Variants in GRIK2 observed in about 807,000 individuals in gnomAD.
The protein encoded by GRIK2 is glutamate ionotropic receptor kainate type subunit 2, also known as glutamate receptor ionotropic, kainate 2.
A neutral mutation model predicts 100.3 loss-of-function variants in GRIK2; 32 were observed. The ratio of observed to expected loss-of-function variants is 0.32; its 90% confidence interval spans 0.24 to 0.43. The LOEUF (loss-of-function observed/expected upper bound fraction) is 0.43, where lower values mean the gene tolerates loss of function less well. Among genes scored for constraint, GRIK2 ranks in the 20% least tolerant of loss-of-function variants. The probability of loss-of-function intolerance (pLI) is 1.00; values close to 1 mark genes in which losing one functional copy is unlikely to be tolerated. For missense variants in GRIK2, 843 were observed against 1,114.9 expected, an observed-to-expected ratio of 0.76 and a Z score of 3.47; for synonymous variants, 417 against 389.4, an observed-to-expected ratio of 1.07 and a Z score of -0.83.
At chr6:101,842,819 G>A (rs998551965) in intron 10 of GRIK2, among the ~76,000 whole-genome samples, 3 of 152,090 alleles carry the variant, frequency 2.0e-5, no homozygotes, top group Admixed American at 6.6e-5. Context: ...ACTTTTGAGT[G>A]GGATGTGGGT....
chr6:101,857,475 G>GT (rs985270823), intron 10 of GRIK2, among the ~76,000 whole-genome samples: 1 of 152,154 alleles, frequency 6.6e-6, no homozygotes, highest in African/African-American at 2.4e-5. Context: ...TTATTTCTTA[G>GT]TTGAGTGTGG....
intron 10 of GRIK2, among the ~76,000 whole-genome samples, chr6:101,819,294 T>C (rs907987378): frequency 1.3e-5 from 2 of 152,202 alleles, no homozygotes; most frequent in Non-Finnish European, 2.9e-5. Flanking sequence ...CAAACTACCA[T>C]GAACATTTAG....
At chr6:102,014,826 C>T (rs1795748544) in intron 14 of GRIK2, among the ~76,000 whole-genome samples, 1 of 151,992 alleles carries the variant, frequency 6.6e-6, no homozygotes, top group South Asian at 2.1e-4. Flanking sequence ...GGTTCTTTTG[C>T]ATTTGCTGAG....
intron 11 of GRIK2, among the ~76,000 whole-genome samples, chr6:101,881,961 T>C (rs1786279360): frequency 6.6e-6 from 1 of 152,108 alleles, no homozygotes; most frequent in African/African-American, 2.4e-5. Flanking sequence ...GTTTAATGAA[T>C]TCAGTTCCAT....
At chr6:101,909,582 T>G (rs569918217) in intron 12 of GRIK2, among the ~76,000 whole-genome samples, 2 of 151,060 alleles carry the variant, frequency 1.3e-5, no homozygotes, top group African/African-American at 4.8e-5. Flanking sequence ...GTGAGCACAT[T>G]TCCTGTTTTA....
At chr6:102,010,876 T>A (rs902613839) in intron 14 of GRIK2, among the ~76,000 whole-genome samples, 2 of 152,130 alleles carry the variant, frequency 1.3e-5, no homozygotes, top group Non-Finnish European at 2.9e-5. Context: ...CATTTCTTTT[T>A]AATAAATAGT....
chr6:101,773,494 G>GGAAAAAAAAAAAAAAAAAA (rs1778539460), intron 7 of GRIK2, among the ~76,000 whole-genome samples: 1 of 126,614 alleles, frequency 7.9e-6, no homozygotes, highest in African/African-American at 3.4e-5. Flanking sequence ...AAAAAAAAAA[G>GGAAAAAAAAAAAAAAAAAA]GAAAAAAAAA....
rs952407159 is a variant in GRIK2, at chr6:101,547,769, G to A, written c.116-74180G>A. On this transcript the variant is annotated intron_variant, in intron 2 of 16. Coordinates refer to ENST00000369134, the MANE Select transcript of GRIK2 (RefSeq NM_021956.5). ...AGTCTTTGCTCTTGTGAATAGTGCC[G>A]CAATAAACATACATGTGCATGTGTC... 4.6e-5 allele frequency among the ~76,000 whole-genome samples: 7 copies of A among 151,558 alleles called. No individual in the cohort carries two copies. In the East Asian group the frequency reaches 1.2e-3, roughly 25 times the overall value.
intron 10 of GRIK2, among the ~76,000 whole-genome samples, chr6:101,831,227 A>G (rs1236579610): frequency 6.6e-6 from 1 of 152,184 alleles, no homozygotes; most frequent in Non-Finnish European, 1.5e-5. Flanking sequence ...ATATCAAAAT[A>G]GGATTTTTTT....
chr6:101,896,111 A>G (rs539482569), intron 12 of GRIK2, among the ~76,000 whole-genome samples: 2 of 151,790 alleles, frequency 1.3e-5, no homozygotes, highest in African/African-American at 2.4e-5. Context: ...TAGTGGTTCC[A>G]GTGATGTTTA....
intron 2 of GRIK2, among the ~76,000 whole-genome samples, chr6:101,561,325 A>G (rs1200526122): frequency 6.6e-6 from 1 of 151,942 alleles, no homozygotes; most frequent in East Asian, 1.9e-4. Flanking sequence ...GGAGCTAAAA[A>G]AGTAGATCTC....
intron 15 of GRIK2, among the ~76,000 whole-genome samples, chr6:102,041,498 C>T (rs1268893028): frequency 6.6e-6 from 1 of 151,512 alleles, no homozygotes; most frequent in Non-Finnish European, 1.5e-5. Context: ...AACCCAAATG[C>T]TTTGCATTTG....
At chr6:101,749,990 T>G (rs959639479) in intron 7 of GRIK2, among the ~76,000 whole-genome samples, 8 of 151,822 alleles carry the variant, frequency 5.3e-5, no homozygotes, top group Non-Finnish European at 8.8e-5. Context: ...TTTTTACTTT[T>G]TTTTGGTAGG....
rs1029325849 is a variant in GRIK2 at position 102,069,155 on chromosome 6, T to G, written c.*644T>G. 3 of 150,086 alleles carry G rather than the reference T, an allele frequency of 2.0e-5. No homozygotes were observed. The highest frequency in any genetic ancestry group is 4.4e-5 in the Non-Finnish European group (3 of 67,504). 9.3% of individuals were successfully genotyped at this position (150,086 alleles called of 1,614,324 possible). A position where few individuals can be genotyped will look rare whatever the true frequency, so the allele number is the denominator to read the frequency against. On this transcript the variant is annotated 3_prime_UTR_variant, in exon 17 of 17. Coordinates refer to ENST00000369134, the MANE Select transcript of GRIK2 (RefSeq NM_021956.5). ...TTTCTTATTTTTTTTTTTGACAGTC[T>G]GTGTCACTGATTGAGATAGAAATGC... is the stretch of plus-strand genomic sequence containing the variant.
intron 12 of GRIK2, among the ~76,000 whole-genome samples, chr6:101,906,624 G>A (rs1461257546): frequency 1.3e-5 from 2 of 151,680 alleles, no homozygotes; most frequent in Non-Finnish European, 2.9e-5. Context: ...GGCATAAAAA[G>A]CAGGCTCAAG....
At chr6:101,911,703 ATTGT>A (rs1043672195) in intron 12 of GRIK2, among the ~76,000 whole-genome samples, 9 of 151,578 alleles carry the variant, frequency 5.9e-5, no homozygotes, top group African/African-American at 1.9e-4. Context: ...CTCACAAAAC[ATTGT>A]TTGTTTTCTA....
intron 2 of GRIK2, among the ~76,000 whole-genome samples, chr6:101,467,108 C>T (rs1348278092): frequency 6.6e-6 from 1 of 152,060 alleles, no homozygotes; most frequent in Non-Finnish European, 1.5e-5. Context: ...TTTCCAGCAA[C>T]AGAAGTATGT....
In GRIK2 at chr6:101,893,451, G is replaced by T. The variant is rs146719041; in HGVS notation, c.1748+3588G>T. ...TGTAATACTTAGGAATAAAAACGCTGTATCTCAAAACTAAATTATAATGAG... is the reference window on the plus strand; with the variant it reads ...TGTAATACTTAGGAATAAAAACGCTTTATCTCAAAACTAAATTATAATGAG... On this transcript the variant is annotated intron_variant, in intron 12 of 16. Coordinates refer to ENST00000369134, the MANE Select transcript of GRIK2 (RefSeq NM_021956.5). 3.6e-3 allele frequency among the ~76,000 whole-genome samples: 543 copies of T among 151,764 alleles called. 1 individual carries two copies. Among genetic ancestry groups the T allele is most frequent in the African/African-American group, 0.012 (517 of 41,522 alleles).
At chr6:101,559,201 GTTT>G (rs200213400) in intron 2 of GRIK2, among the ~76,000 whole-genome samples, 2 of 150,920 alleles carry the variant, frequency 1.3e-5, no homozygotes, top group Non-Finnish European at 3.0e-5. Context: ...CTCTTCTCCA[GTTT>G]TTTTTTATAC....
Sources: allele counts gnomAD v4.1 joint callset (sites outside exome capture counted in the v4.1 genomes callset), GRCh38; gene constraint gnomAD v4.1.1; transcripts MANE v1.5; gene names NCBI Gene and HGNC (gene_info 2026-07-23, HGNC 2026-07-21).